FRMPD4: variants seen among roughly 807,000 people sequenced by gnomAD.
The protein encoded by FRMPD4 is FERM and PDZ domain-containing protein 4.
In FRMPD4, 22 loss-of-function variants were observed where a neutral mutation model predicts 94.1. The observed-to-expected ratio is 0.23, with a 90% CI of 0.17 to 0.33. FRMPD4 has a LOEUF of 0.33. Ranked by LOEUF, FRMPD4 falls within the 10% of genes least tolerant of loss-of-function variation. The pLI, the probability that FRMPD4 is intolerant of heterozygous loss-of-function variation, is 1.00. For synonymous variants in FRMPD4, 631 were observed against 548.6 expected (o/e 1.15, Z -2.10); for missense variants, 1,111 against 1,339.9 (o/e 0.83, Z 2.67).
chrX:12,502,005 C>T (rs2057927044), intron 2 of FRMPD4, among the ~76,000 whole-genome samples: 1 of 111,540 alleles, frequency 9.0e-6, no homozygotes, highest in African/African-American at 3.3e-5. Context: ...TTTATAATAC[C>T]GTATAGGCTG....
chrX:11,916,509 T>TA (rs1356777303), intron 3 of FRMPD4, among the ~76,000 whole-genome samples: 2 of 110,637 alleles, frequency 1.8e-5, no homozygotes, highest in Non-Finnish European at 3.8e-5. Flanking sequence ...GGAGTGTTGG[T>TA]ACGTGTTCAG....
At chrX:11,964,056 G>T (rs1409190934) in intron 3 of FRMPD4, among the ~76,000 whole-genome samples, 1 of 111,722 alleles carries the variant, frequency 9.0e-6, no homozygotes, top group Non-Finnish European at 1.9e-5. Context: ...TACACATAGA[G>T]GTGGGGACAA....
At chrX:12,364,973 G>C (rs991702998) in intron 1 of FRMPD4, among the ~76,000 whole-genome samples, 5 of 112,464 alleles carry the variant, frequency 4.4e-5, no homozygotes, top group Non-Finnish European at 9.4e-5. Flanking sequence ...TCACCTCTAC[G>C]TGTCCTGGCC....
chrX:12,435,856 A>G (rs929381208), intron 1 of FRMPD4, among the ~76,000 whole-genome samples: 33 of 111,559 alleles, frequency 3.0e-4, no homozygotes, highest in Admixed American at 8.5e-4. Flanking sequence ...TACTGGCCCA[A>G]TTGCTTTTGA....
chrX:12,699,417 G>A (rs1418918977), intron 9 of FRMPD4, among the ~76,000 whole-genome samples: 1 of 112,586 alleles, frequency 8.9e-6, no homozygotes, highest in Non-Finnish European at 1.9e-5. Context: ...GAACAGGTGA[G>A]AGAATGTGAC....
At chrX:12,624,828 A>G (rs1247578414) in intron 4 of FRMPD4, among the ~76,000 whole-genome samples, 1 of 111,510 alleles carries the variant, frequency 9.0e-6, no homozygotes, top group Non-Finnish European at 1.9e-5. Flanking sequence ...CAAAGGAAAC[A>G]ATCAACAAGG....
intron 3 of FRMPD4, among the ~76,000 whole-genome samples, chrX:12,123,169 A>T (rs758030139): frequency 2.1e-5 from 2 of 96,878 alleles, no homozygotes; most frequent in South Asian, 4.8e-4. Context: ...ATGGAATCTC[A>T]CTTGCTCTAT....
chrX:12,183,420 T>C (rs1244060654), intron 1 of FRMPD4, among the ~76,000 whole-genome samples: 1 of 112,318 alleles, frequency 8.9e-6, no homozygotes, highest in Non-Finnish European at 1.9e-5. Flanking sequence ...TTACATTCAT[T>C]GAACATGCAA....
At chrX:12,050,089 A>G (rs2054808489) in intron 3 of FRMPD4, among the ~76,000 whole-genome samples, 1 of 111,416 alleles carries the variant, frequency 9.0e-6, no homozygotes, top group Middle Eastern at 4.6e-3. Flanking sequence ...TGAAGAAAGA[A>G]AAGTATTTTT....
At chrX:12,068,078 G>C (rs1025632000) in intron 3 of FRMPD4, among the ~76,000 whole-genome samples, 1 of 111,546 alleles carries the variant, frequency 9.0e-6, no homozygotes, top group African/African-American at 3.3e-5. Context: ...GCAGAGGTGA[G>C]AGAGGGAGAG....
intron 1 of FRMPD4, among the ~76,000 whole-genome samples, chrX:12,155,870 A>G (rs2055928171): frequency 9.6e-6 from 1 of 103,810 alleles, no homozygotes; most frequent in Non-Finnish European, 1.9e-5. Flanking sequence ...AAGTTTTATT[A>G]GAACACAGCC....
chrX:12,156,218 T>C (rs1179897008), intron 1 of FRMPD4, among the ~76,000 whole-genome samples: 1 of 111,563 alleles, frequency 9.0e-6, no homozygotes, highest in African/African-American at 3.3e-5. Context: ...CTCAAAATAG[T>C]AGTGGTCCCT....
intron 1 of FRMPD4, among the ~76,000 whole-genome samples, chrX:12,388,934 A>G (rs1293228002): frequency 9.5e-6 from 1 of 105,623 alleles, no homozygotes; most frequent in Admixed American, 1.0e-4. Context: ...GGAGAACACT[A>G]TGCTAAGTGA....
chrX:12,696,069 T>C (rs904027250), intron 9 of FRMPD4, among the ~76,000 whole-genome samples: 1 of 112,870 alleles, frequency 8.9e-6, no homozygotes, highest in Non-Finnish European at 1.9e-5. Context: ...TCCATTATTA[T>C]AATTGTGGTT....
chrX:12,514,215 C>T (rs1050192662), intron 2 of FRMPD4, among the ~76,000 whole-genome samples: 4 of 111,253 alleles, frequency 3.6e-5, no homozygotes, highest in African/African-American at 1.3e-4. Context: ...TTCTTTCTTT[C>T]TCTTGCCTGA....
At chrX:11,914,841 G>GTA (rs2054016152) in intron 3 of FRMPD4, among the ~76,000 whole-genome samples, 1 of 111,938 alleles carries the variant, frequency 8.9e-6, no homozygotes. Context: ...CTTTTTTCAT[G>GTA]TATATGTTAA....
At chrX:12,202,080 A>G (rs2056637428) in intron 1 of FRMPD4, among the ~76,000 whole-genome samples, 1 of 109,050 alleles carries the variant, frequency 9.2e-6, no homozygotes, top group Non-Finnish European at 1.9e-5. Context: ...TTCCTTTTGG[A>G]TGCCAGATTT....
chrX:12,640,754 C>T (rs775978797), intron 4 of FRMPD4, among the ~76,000 whole-genome samples: 2 of 112,098 alleles, frequency 1.8e-5, no homozygotes, highest in South Asian at 3.7e-4. Context: ...TTCTTAGAGT[C>T]TTCTTTCCCT....
At chrX:11,862,140 C>T (rs2053691132) in intron 1 of FRMPD4, among the ~76,000 whole-genome samples, 1 of 111,388 alleles carries the variant, frequency 9.0e-6, no homozygotes, top group South Asian at 3.8e-4. Context: ...CACCAGGCCC[C>T]ACCTCCAACA....
Sources: allele counts gnomAD v4.1 joint callset (sites outside exome capture counted in the v4.1 genomes callset), GRCh38; gene constraint gnomAD v4.1.1; transcripts MANE v1.5; gene names NCBI Gene and HGNC (gene_info 2026-07-23, HGNC 2026-07-21).